Variants in BTBD16 observed in about 807,000 individuals in gnomAD.
The protein encoded by BTBD16 is BTB/POZ domain-containing protein 16.
In BTBD16, 66 loss-of-function variants were observed where a neutral mutation model predicts 67.4. The ratio of observed to expected loss-of-function variants is 0.98; its 90% CI spans 0.80 to 1.20. The LOEUF is 1.20. Among genes scored for constraint, BTBD16 ranks in the 50% most tolerant of loss-of-function variants. BTBD16 has a pLI of 0.00. For missense variants in BTBD16, 634 were observed against 616.0 expected (o/e 1.03, Z -0.31); for synonymous variants, 242 against 236.4 (o/e 1.02, Z -0.22).
chr10:122,315,337 C>G (rs1479988550), intron 10 of BTBD16, among the ~76,000 whole-genome samples: 1 of 152,122 alleles, frequency 6.6e-6, no homozygotes. Flanking sequence ...GGTAAACCAA[C>G]TTTGTATCCC....
At chr10:122,330,277 G>C (rs1463302724) in intron 11 of BTBD16, among the ~76,000 whole-genome samples, 1 of 152,106 alleles carries the variant, frequency 6.6e-6, no homozygotes, top group East Asian at 1.9e-4. Context: ...GGTTGTAGGG[G>C]AACACTAACT....
intron 9 of BTBD16, among the ~76,000 whole-genome samples, chr10:122,306,322 C>T (rs1159204732): frequency 6.6e-6 from 1 of 152,352 alleles, no homozygotes; most frequent in Non-Finnish European, 1.5e-5. Flanking sequence ...CTTCTGACCT[C>T]CAGAATGATG....
intron 4 of BTBD16, among the ~76,000 whole-genome samples, chr10:122,284,282 C>T (rs1338496664): frequency 6.6e-6 from 1 of 152,078 alleles, no homozygotes; most frequent in Admixed American, 6.6e-5. Context: ...AACCCCGTCT[C>T]TACTAAAAAT....
intron 7 of BTBD16, among the ~76,000 whole-genome samples, chr10:122,294,950 C>T (rs149965734): frequency 7.2e-5 from 11 of 152,366 alleles, no homozygotes; most frequent in East Asian, 1.9e-4. Flanking sequence ...CTCCTGGACC[C>T]GATGAGGGTG....
intron 11 of BTBD16, 107 bp downstream of exon 11, chr10:122,329,678 C>A: frequency 1.1e-6 from 1 of 903,538 alleles, no homozygotes; most frequent in Non-Finnish European, 1.7e-6. Flanking sequence ...AGGGAATCAC[C>A]TGAATCGTGG....
rs1384314926 is a variant in BTBD16, at chr10:122,334,996, T to C, written c.1263+17T>C. The C allele has an allele frequency of 3.3e-6, 4 of 1,198,544 alleles. No individual in the cohort carries two copies. The highest frequency in any genetic ancestry group is 4.8e-6 in the Non-Finnish European group (4 of 827,454). 74.2% of individuals were successfully genotyped at this position (1,198,544 alleles called of 1,614,324 possible). A position where few individuals can be genotyped will look rare whatever the true frequency, so the allele number is the denominator to read the frequency against. On this transcript the variant is annotated intron_variant, in intron 14 of 15. Coordinates refer to ENST00000260723, the MANE Select transcript of BTBD16 (RefSeq NM_144587.5). ...TACATGCAGGTAAGGATAGAGTGCA[T>C]GAAAGTTATGTCTCTGAGACAGTCT... is the stretch of plus-strand genomic sequence containing the variant.
At chr10:122,321,005 T>C (rs1290349499) in intron 10 of BTBD16, among the ~76,000 whole-genome samples, 2 of 152,056 alleles carry the variant, frequency 1.3e-5, no homozygotes, top group Non-Finnish European at 2.9e-5. Flanking sequence ...TTTGTCTCCC[T>C]CCCTCCCCAC....
At chr10:122,312,138 T>C (rs1419150559) in intron 10 of BTBD16, among the ~76,000 whole-genome samples, 1 of 152,170 alleles carries the variant, frequency 6.6e-6, no homozygotes, top group Non-Finnish European at 1.5e-5. Context: ...AGGAATAGAA[T>C]TACTATGTCA....
At chr10:122,293,808 G>T (rs565407746) in intron 7 of BTBD16, among the ~76,000 whole-genome samples, 2 of 152,300 alleles carry the variant, frequency 1.3e-5, no homozygotes, top group African/African-American at 4.8e-5. Context: ...CTGAATGCTG[G>T]CAGGGTAGCT....
intron 3 of BTBD16, among the ~76,000 whole-genome samples, chr10:122,283,591 C>A (rs965974479): frequency 4.6e-5 from 7 of 152,108 alleles, no homozygotes. Context: ...TTCAGGCAGC[C>A]AATTATGGCC....
intron 10 of BTBD16, among the ~76,000 whole-genome samples, chr10:122,314,662 G>A (rs2096420701): frequency 6.6e-6 from 1 of 151,990 alleles, no homozygotes; most frequent in Admixed American, 6.6e-5. Flanking sequence ...TATTCTAATT[G>A]TTTGGTGCTG....
chr10:122,305,605 T>C (rs186233258), intron 9 of BTBD16, among the ~76,000 whole-genome samples: 4 of 152,316 alleles, frequency 2.6e-5, no homozygotes, highest in Non-Finnish European at 5.9e-5. Context: ...ATGCTTCCTG[T>C]ACAGCCCATG....
At chr10:122,274,818 T>C (rs1885511) in intron 1 of BTBD16, among the ~76,000 whole-genome samples, 64,442 of 151,918 alleles carry the variant, frequency 0.42, 14,323 homozygotes, top group East Asian at 0.62. Flanking sequence ...CCCAGAACAA[T>C]AGCAGAGATC....
intron 9 of BTBD16, among the ~76,000 whole-genome samples, chr10:122,305,093 T>C (rs144454470): frequency 1.1e-4 from 17 of 152,350 alleles, no homozygotes; most frequent in African/African-American, 4.1e-4. Flanking sequence ...TGTTGGGTTG[T>C]ATGGCAAAGG....
intron 3 of BTBD16, among the ~76,000 whole-genome samples, chr10:122,281,260 G>C (rs992854663): frequency 5.9e-5 from 9 of 152,184 alleles, no homozygotes; most frequent in Non-Finnish European, 1.0e-4. Flanking sequence ...GGTTGTGATG[G>C]CCTTTGTGTG....
intron 12 of BTBD16, chr10:122,332,061 A>C: frequency 5.3e-6 from 1 of 187,966 alleles, no homozygotes; most frequent in Non-Finnish European, 1.1e-5. Context: ...TGCCAACGTC[A>C]TCCTCTCCAA....
intron 10 of BTBD16, among the ~76,000 whole-genome samples, chr10:122,323,861 T>C (rs577093879): frequency 2.0e-5 from 3 of 152,160 alleles, no homozygotes; most frequent in Non-Finnish European, 4.4e-5. Context: ...TTGACCTTGG[T>C]CTTCTAGGTC....
chr10:122,323,286 T>C (rs2096438646), intron 10 of BTBD16, among the ~76,000 whole-genome samples: 1 of 152,196 alleles, frequency 6.6e-6, no homozygotes, highest in South Asian at 2.1e-4. Context: ...TGGGTATGGA[T>C]TTGATCTTGA....
rs180789434 is a variant in BTBD16, at chr10:122,304,594, G to A, written c.792-2595G>A. The stretch of plus-strand genomic sequence containing the variant: ...TTTTGAGACAGAGTCTCCCTATGTC[G>A]CCCAGGCTGGAGTGCAGTGGCGTGA... On this transcript the variant is annotated intron_variant, in intron 9 of 15. Coordinates refer to ENST00000260723, the MANE Select transcript of BTBD16 (RefSeq NM_144587.5). 6.8e-3 allele frequency among the ~76,000 whole-genome samples: 887 copies of A among 130,354 alleles called. 6 individuals are homozygous for A. The highest frequency in any genetic ancestry group is 0.018 in the South Asian group (71 of 4,054). The allele number at this position is 130,354 out of a possible 152,430, so 85.5% of individuals were successfully genotyped here.
Sources: allele counts gnomAD v4.1 joint callset (sites outside exome capture counted in the v4.1 genomes callset), GRCh38; gene constraint gnomAD v4.1.1; transcripts MANE v1.5; gene names NCBI Gene and HGNC (gene_info 2026-07-23, HGNC 2026-07-21).